Variants in NME2 observed in about 807,000 individuals in gnomAD.
NME2 encodes nucleoside diphosphate kinase B.
A neutral mutation model predicts 17.8 loss-of-function variants in NME2; 18 were observed. The ratio of observed to expected loss-of-function variants is 1.01; its 90% CI spans 0.70 to 1.50. NME2 has a LOEUF of 1.50. Ranked by LOEUF, NME2 falls within the 40% of genes most tolerant of loss-of-function variation. The pLI is 0.00. For synonymous variants in NME2, 74 were observed against 71.4 expected, an observed-to-expected ratio of 1.04 and a Z score of -0.19; for missense variants, 161 against 195.6, an observed-to-expected ratio of 0.82 and a Z score of 1.05.
At chr17:51,171,102 GA>G (rs1479783628) in intron 4 of NME2, among the ~76,000 whole-genome samples, 1 of 152,202 alleles carries the variant, frequency 6.6e-6, no homozygotes, top group East Asian at 1.9e-4. Flanking sequence ...AGTGTTATAA[GA>G]AAATGCAGCA....
intron 4 of NME2, 77 bp downstream of exon 4, chr17:51,170,126 C>A: frequency 1.1e-4 from 101 of 953,952 alleles, no homozygotes; most frequent in Non-Finnish European, 1.4e-4. Context: ...ATCCTACTTT[C>A]AGAAGAATCT....
intron 4 of NME2, 152 bp downstream of exon 4, chr17:51,170,201 G>A (rs2050041180): frequency 4.9e-6 from 3 of 616,954 alleles, no homozygotes; most frequent in Non-Finnish European, 5.3e-6. Context: ...GAGTGCAGTG[G>A]TGCCATCTCT....
intron 2 of NME2, 48 bp downstream of exon 2, chr17:51,167,004 G>A: frequency 6.2e-7 from 1 of 1,609,804 alleles, no homozygotes; most frequent in South Asian, 1.1e-5. Context: ...GCTCGCGGGT[G>A]TTTTTCCCTC....
intron 3 of NME2, 38 bp downstream of exon 3, chr17:51,168,381 A>G (rs3744659): frequency 0.012 from 19,316 of 1,602,328 alleles, 662 homozygotes; most frequent in African/African-American, 0.12. Context: ...ATGAGGAAAA[A>G]GTGCTCAGTG....
chr17:51,168,153 TA>T, intron 2 of NME2, 88 bp from the exon 3 acceptor site: 1 of 1,255,300 alleles, frequency 8.0e-7, no homozygotes, highest in Non-Finnish European at 1.1e-6. Context: ...GGCTAGAATA[TA>T]AAACCGGACT....
At chr17:51,171,434 A>C (rs1349618538) in intron 4 of NME2, 53 bp from the exon 5 acceptor site, 2 of 1,554,004 alleles carry the variant, frequency 1.3e-6, no homozygotes, top group African/African-American at 2.7e-5. Flanking sequence ...GTACCCATTA[A>C]ACAGACTTTT....
intron 2 of NME2, among the ~76,000 whole-genome samples, chr17:51,167,829 A>G (rs1187386727): frequency 6.6e-6 from 1 of 152,122 alleles, no homozygotes; most frequent in African/African-American, 2.4e-5. Flanking sequence ...TAAATAAATA[A>G]ATAAATAAAA....
Position 51,170,168 on chromosome 17 carries a change from C to T in NME2, c.341+119C>T, listed in dbSNP as rs111547280. 3.5e-4 allele frequency: 267 copies of T among 766,320 alleles called. 1 individual carries two copies. The African/African-American group carries it at 4.4e-3, about 13-fold the overall frequency. 47.5% of individuals were successfully genotyped at this position (766,320 alleles called of 1,614,324 possible). On this transcript the variant is annotated intron_variant, in intron 4 of 4. Coordinates refer to ENST00000512737, the MANE Select transcript of NME2 (RefSeq NM_002512.4). ...TTTTTTTTTTTTTTTTTTCTTGAGACGGAGTCTCCTTCTGCCTAGCTGGAG... is the reference window on the plus strand; with the variant it reads ...TTTTTTTTTTTTTTTTTTCTTGAGATGGAGTCTCCTTCTGCCTAGCTGGAG...
At chr17:51,169,915 A>G (rs373699630) in intron 3 of NME2, 22 bp from the exon 4 acceptor site, 5 of 1,612,564 alleles carry the variant, frequency 3.1e-6, no homozygotes, top group Non-Finnish European at 4.2e-6. Flanking sequence ...TCTGATTATA[A>G]ATCCATTTTC....
intron 2 of NME2, 116 bp from the exon 3 acceptor site, chr17:51,168,126 C>T: frequency 1.3e-6 from 1 of 799,850 alleles, no homozygotes; most frequent in Non-Finnish European, 2.0e-6. Context: ...TATTTCCACA[C>T]ACCACTTAGG....
chr17:51,167,050 C>T (rs1313097453), intron 2 of NME2, 94 bp downstream of exon 2: 8 of 1,602,256 alleles, frequency 5.0e-6, no homozygotes, highest in Non-Finnish European at 6.0e-6. Context: ...TTTCCGAGTT[C>T]ATTTCGCTGC....
intron 4 of NME2, among the ~76,000 whole-genome samples, chr17:51,170,384 C>T (rs2050045731): frequency 6.6e-6 from 1 of 151,916 alleles, no homozygotes. Flanking sequence ...AGGTGATCCG[C>T]CTGCCTCGGC....
At chr17:51,169,013 T>G (rs899819797) in intron 3 of NME2, among the ~76,000 whole-genome samples, 4 of 152,186 alleles carry the variant, frequency 2.6e-5, no homozygotes, top group Non-Finnish European at 2.9e-5. Flanking sequence ...TAGACCTTAA[T>G]GTTTCCTAGA....
chr17:51,171,413 T>C, intron 4 of NME2, 74 bp from the exon 5 acceptor site: 2 of 1,287,922 alleles, frequency 1.6e-6, no homozygotes, highest in Non-Finnish European at 2.2e-6. Flanking sequence ...TCTGGAGTGC[T>C]GTCCATTGCG....
intron 4 of NME2, among the ~76,000 whole-genome samples, chr17:51,171,209 G>C (rs2050062596): frequency 6.6e-6 from 1 of 152,184 alleles, no homozygotes; most frequent in African/African-American, 2.4e-5. Flanking sequence ...TTGCGGAGGA[G>C]TGTTTTATGT....
chr17:51,170,795 A>G (rs2050055357), intron 4 of NME2, among the ~76,000 whole-genome samples: 1 of 151,962 alleles, frequency 6.6e-6, no homozygotes, highest in African/African-American at 2.4e-5. Context: ...CTCAAAAAAA[A>G]AAAAAAAAAA....
At chr17:51,167,776 G>A (rs2049979508) in intron 2 of NME2, among the ~76,000 whole-genome samples, 1 of 152,106 alleles carries the variant, frequency 6.6e-6, no homozygotes, top group African/African-American at 2.4e-5. Context: ...CCCAGGAGTT[G>A]GAGATCAGCC....
At chr17:51,170,144 T>A in intron 4 of NME2, 95 bp downstream of exon 4, 1 of 424,720 alleles carries the variant, frequency 2.4e-6, no homozygotes, top group Non-Finnish European at 3.2e-6. Context: ...TCTGTGCCCT[T>A]TTTTTTTTTT....
At chr17:51,170,500 T>A (rs2050049033) in intron 4 of NME2, among the ~76,000 whole-genome samples, 1 of 151,828 alleles carries the variant, frequency 6.6e-6, no homozygotes. Flanking sequence ...TATCATTGTA[T>A]AAAAGCTTTC....
Sources: gnomAD v4.1 joint callset for allele counts (sites outside exome capture counted in the v4.1 genomes callset) on GRCh38, gnomAD v4.1.1 for gene constraint, MANE v1.5 for transcripts, NCBI Gene and HGNC (gene_info 2026-07-23, HGNC 2026-07-21) for gene names.